EP400: variants seen among roughly 807,000 people sequenced by gnomAD.
EP400 encodes the protein E1A binding protein p400.
A neutral mutation model predicts 354.1 loss-of-function variants in EP400; 105 were observed. The ratio of observed to expected loss-of-function variants is 0.30; its 90% CI spans 0.25 to 0.35. The LOEUF (loss-of-function observed/expected upper bound fraction) is 0.35. Among genes scored for constraint, EP400 ranks in the 10% least tolerant of loss-of-function variants. The probability of loss-of-function intolerance (pLI) is 1.00; values close to 1 mark genes in which losing one functional copy is unlikely to be tolerated. For synonymous variants in EP400, 1,646 were observed against 1,716.9 expected (o/e 0.96, Z 1.02); for missense variants, 3,280 against 4,121.0 (o/e 0.80, Z 5.59).
chr12:131,954,997 TG>T (rs1175377166), intron 1 of EP400, among the ~76,000 whole-genome samples: 1 of 152,166 alleles, frequency 6.6e-6, no homozygotes, highest in Non-Finnish European at 1.5e-5. Flanking sequence ...TACTGCAGCC[TG>T]GGTGACAGAG....
intron 12 of EP400, among the ~76,000 whole-genome samples, chr12:131,999,456 G>C (rs1176335411): frequency 6.6e-6 from 1 of 152,114 alleles, no homozygotes; most frequent in African/African-American, 2.4e-5. Flanking sequence ...TTGTTTGTTT[G>C]TTTTGACAGT....
intron 15 of EP400, 146 bp downstream of exon 15, chr12:132,007,023 T>G (rs1893605270): frequency 1.2e-6 from 1 of 812,302 alleles, no homozygotes; most frequent in African/African-American, 1.8e-5. Flanking sequence ...GGCTCAGAAG[T>G]ATTCATTTTA....
intron 1 of EP400, among the ~76,000 whole-genome samples, chr12:131,951,420 C>G (rs751862482): frequency 8.6e-5 from 13 of 151,268 alleles, no homozygotes; most frequent in Non-Finnish European, 1.5e-4. Flanking sequence ...TGACCTCAAA[C>G]AATCCTACCG....
intron 31 of EP400, 57 bp downstream of exon 31, chr12:132,037,850 C>A: frequency 1.2e-6 from 2 of 1,611,582 alleles, no homozygotes. Flanking sequence ...CGCGTGGAAT[C>A]GCATGGTGTT....
chr12:132,029,651 TG>T lies in EP400; in HGVS notation c.5382-49del, dbSNP rs760570716. On this transcript the variant is annotated intron_variant, in intron 27 of 52. Transcript: ENST00000389561. The surrounding 1 kb of genome is among the most constrained non-coding windows in gnomAD (Gnocchi z 4.7). ...ATCTTTCAGGAGCCCCCATGCTGGG[TG>T]AAGGTGTGTGGCTCCTGGTGGTGAC... The T allele has an allele frequency of 4.4e-6, 7 of 1,581,398 alleles. No homozygotes were observed. In the South Asian group the frequency reaches 7.8e-5, roughly 18 times the overall value.
In EP400 at chr12:131,954,664, G is replaced by A. The variant is rs541823578; in HGVS notation, c.-36+4628G>A. ...CGCTTGAACCCGGGAGGCGGAGGGC[G>A]CAGTGAGCCGAAATCACGCCAGTGC... is the stretch of plus-strand genomic sequence containing the variant. On this transcript the variant is annotated intron_variant, in intron 1 of 52. Transcript: ENST00000389561. Among the ~76,000 whole-genome samples, 38 of 142,336 alleles carry A rather than the reference G, an allele frequency of 2.7e-4. 1 individual carries two copies. In the South Asian group the frequency reaches 3.1e-3, roughly 11 times the overall value. The allele number at this position is 142,336 out of a possible 152,430, so 93.4% of individuals were successfully genotyped here.
Position 132,006,764 on chromosome 12 carries a change from A to G in EP400, c.3191A>G (p.Asp1064Gly). The part of the protein sequence containing the change: ...ALRDYQKIGL[D>G]WLAKLYRKNL... ...AGAGATTATCAGAAGATTGGCCTGGACTGGCTGGCCAAACTTTACAGGAAG... is the reference window on the plus strand; with the variant it reads ...AGAGATTATCAGAAGATTGGCCTGGGCTGGCTGGCCAAACTTTACAGGAAG... Residue 1064 changes from aspartate to glycine, a missense_variant, in exon 15 of 53, where the codon GAC becomes GGC. Transcript: ENST00000389561. The G allele has an allele frequency of 6.2e-7, 1 of 1,614,092 alleles. No individual in the cohort carries two copies. Among genetic ancestry groups the G allele is most frequent in the Non-Finnish European group, 8.5e-7 (1 of 1,180,014 alleles).
At chr12:132,001,368 C>T (rs191582078) in intron 12 of EP400, among the ~76,000 whole-genome samples, 7 of 152,268 alleles carry the variant, frequency 4.6e-5, no homozygotes, top group East Asian at 1.9e-4. Context: ...AGACAGCTTA[C>T]GCCATTATTT....
At chr12:132,024,848 C>G (rs999996470) in intron 24 of EP400, among the ~76,000 whole-genome samples, 1 of 151,686 alleles carries the variant, frequency 6.6e-6, no homozygotes, top group Non-Finnish European at 1.5e-5. Flanking sequence ...CCCCACCTTC[C>G]CTCACCTTCC....
At chr12:132,043,238 G>A in intron 32 of EP400, 66 bp from the exon 33 acceptor site, 2 of 1,545,626 alleles carry the variant, frequency 1.3e-6, no homozygotes, top group Non-Finnish European at 1.7e-6. Context: ...ACATGGGATA[G>A]CTCTTTTTCA....
chr12:132,044,633 G>A (rs1239496394), intron 35 of EP400, 38 bp from the exon 36 acceptor site: 1 of 1,613,564 alleles, frequency 6.2e-7, no homozygotes, highest in Non-Finnish European at 8.5e-7. Flanking sequence ...ATGACACTGA[G>A]ACTTGGTGGA....
chr12:131,965,146 C>T (rs931838456), intron 2 of EP400, among the ~76,000 whole-genome samples: 1 of 152,250 alleles, frequency 6.6e-6, no homozygotes, highest in Non-Finnish European at 1.5e-5. Flanking sequence ...TTCAATGTGT[C>T]TTATCAGAAG....
intron 48 of EP400, chr12:132,065,793 A>G (rs1895872009): frequency 6.6e-6 from 1 of 152,276 alleles, no homozygotes; most frequent in Non-Finnish European, 1.5e-5. Context: ...CATGTTCACA[A>G]AAATGCAAAT....
chr12:132,032,628 T>G (rs961185548), intron 30 of EP400, among the ~76,000 whole-genome samples: 5 of 151,976 alleles, frequency 3.3e-5, no homozygotes, highest in East Asian at 1.9e-4. Context: ...ATTAGTTTTT[T>G]TTTTTTTTTT....
chr12:131,968,797 C>T (rs1892188816), intron 2 of EP400, among the ~76,000 whole-genome samples: 1 of 152,058 alleles, frequency 6.6e-6, no homozygotes, highest in Admixed American at 6.6e-5. Context: ...TAGGTTTATA[C>T]CTCAGTATTC....
At chr12:132,004,990 G>A (rs181752691) in intron 12 of EP400, 87 bp from the exon 13 acceptor site, 118 of 1,000,120 alleles carry the variant, frequency 1.2e-4, no homozygotes, top group Middle Eastern at 1.0e-3. Context: ...CCTTCTTACC[G>A]TGGTTCTCCT....
At chr12:132,073,792 T>G (rs1428820460) in intron 51 of EP400, among the ~76,000 whole-genome samples, 1 of 152,016 alleles carries the variant, frequency 6.6e-6, no homozygotes, top group Non-Finnish European at 1.5e-5. Context: ...TATGTGGAAT[T>G]ACTTTCCTTC....
chr12:132,047,136 G>A (rs899058078), intron 39 of EP400, among the ~76,000 whole-genome samples: 1 of 152,168 alleles, frequency 6.6e-6, no homozygotes, highest in Admixed American at 6.5e-5. Flanking sequence ...TCAGTCATCT[G>A]TCTTTTCATT....
At chr12:132,022,180 A>C (rs1894142898) in intron 23 of EP400, among the ~76,000 whole-genome samples, 1 of 152,244 alleles carries the variant, frequency 6.6e-6, no homozygotes. Flanking sequence ...AAGCAGTTGC[A>C]TATTTTACAT....
Sources: allele counts gnomAD v4.1 joint callset (sites outside exome capture counted in the v4.1 genomes callset), GRCh38; gene constraint gnomAD v4.1.1; non-coding constraint Gnocchi (gnomAD v3.1); transcripts MANE v1.5; gene names NCBI Gene and HGNC (gene_info 2026-07-23, HGNC 2026-07-21).